The following AP2A2 variants were observed in gnomAD, a reference collection of about 807,000 sequenced individuals.
The protein encoded by AP2A2 is adaptor related protein complex 2 subunit alpha 2.
In AP2A2, 32 loss-of-function variants were observed where a neutral mutation model predicts 104.2. The observed-to-expected ratio is 0.31, with a 90% CI of 0.23 to 0.41. The LOEUF (loss-of-function observed/expected upper bound fraction) is 0.41. AP2A2 is among the 10% of genes least tolerant of loss of function. The probability of loss-of-function intolerance (pLI) is 1.00; values close to 1 mark genes in which losing one functional copy is unlikely to be tolerated. For missense variants in AP2A2, 912 were observed against 1,261.0 expected (o/e 0.72, Z 4.19); for synonymous variants, 539 against 533.3 (o/e 1.01, Z -0.15).
At chr11:1,006,439 A>C in intron 16 of AP2A2, 89 bp from the exon 17 acceptor site, 5 of 912,084 alleles carry the variant, frequency 5.5e-6, no homozygotes, top group Non-Finnish European at 8.7e-6. Flanking sequence ...ATTCAGCTGA[A>C]GATTGTGGGG....
chr11:1,008,939 T>C, intron 18 of AP2A2, 161 bp from the exon 19 acceptor site: 1 of 621,016 alleles, frequency 1.6e-6, no homozygotes, highest in Non-Finnish European at 2.8e-6. Context: ...CACTGGACAC[T>C]GAGCCACACA....
In AP2A2 at chr11:1,010,088, C is replaced by T. The variant is rs147513499; in HGVS notation, c.2742+271C>T. On this transcript the variant is annotated intron_variant, in intron 21 of 21. Coordinates refer to ENST00000448903, the MANE Select transcript of AP2A2 (RefSeq NM_012305.4). ...AATACATGGTTGCATCCCAGCCTCC[C>T]CACAGCTGGCCACCGTGGAGCATCG... The T allele has an allele frequency of 1.0e-5, 5 of 498,588 alleles. No individual in the cohort carries two copies. In the Admixed American group the frequency reaches 1.7e-4, roughly 17 times the overall value. The allele number at this position is 498,588 out of a possible 1,614,324, so 30.9% of individuals were successfully genotyped here. A position where few individuals can be genotyped will look rare whatever the true frequency, so the allele number is the denominator to read the frequency against.
intron 6 of AP2A2, among the ~76,000 whole-genome samples, chr11:982,606 A>G (rs1855286519): frequency 6.7e-6 from 1 of 149,714 alleles, no homozygotes; most frequent in South Asian, 2.1e-4. Context: ...AGTTTTTATC[A>G]TTAACTGGTA....
intron 1 of AP2A2, among the ~76,000 whole-genome samples, chr11:958,195 C>T (rs779444882): frequency 7.9e-5 from 12 of 152,314 alleles, no homozygotes; most frequent in African/African-American, 1.2e-4. Flanking sequence ...CATAAGCATG[C>T]GTCAAAGAAA....
intron 1 of AP2A2, among the ~76,000 whole-genome samples, chr11:929,561 C>T (rs143111889): frequency 7.2e-5 from 11 of 152,304 alleles, no homozygotes; most frequent in Non-Finnish European, 1.3e-4. Flanking sequence ...TCCAAATTTG[C>T]GTCTTTCTGA....
chr11:981,160 TC>T (rs780166986), intron 5 of AP2A2, 37 bp from the exon 6 acceptor site: 7 of 1,540,548 alleles, frequency 4.5e-6, no homozygotes, highest in Non-Finnish European at 6.2e-6. Flanking sequence ...GTGGTTAGCT[TC>T]AAGTGTTCTG....
chr11:970,067 C>A, intron 2 of AP2A2, 102 bp from the exon 3 acceptor site: 3 of 1,334,614 alleles, frequency 2.2e-6, no homozygotes, highest in Non-Finnish European at 3.1e-6. Context: ...CTCCTGGAGG[C>A]TTGTCCGTGC....
At chr11:981,344 T>A (rs896303171) in intron 6 of AP2A2, 45 bp downstream of exon 6, 14 of 1,432,696 alleles carry the variant, frequency 9.8e-6, no homozygotes, top group Non-Finnish European at 1.3e-5. Flanking sequence ...GGGTTTTGTC[T>A]TAGTTATTTA....
intron 1 of AP2A2, among the ~76,000 whole-genome samples, chr11:930,615 G>A (rs1309680010): frequency 2.0e-5 from 3 of 152,012 alleles, no homozygotes; most frequent in African/African-American, 4.8e-5. Context: ...CCGCCTCCCG[G>A]GTTCACACCA....
In AP2A2 at chr11:1,010,632, G is replaced by A; in HGVS notation, c.*7G>A. 6.3e-7 allele frequency: 1 copy of A among 1,585,820 alleles called. No homozygotes were observed. Among genetic ancestry groups the A allele is most frequent in the Non-Finnish European group, 8.6e-7 (1 of 1,165,204 alleles). On this transcript the variant is annotated 3_prime_UTR_variant, in exon 22 of 22. Transcript: ENST00000448903. ...GCTCTCAGCGCAGTTTTAGTCCTGA[G>A]GATGGAAGACCAGGCTCGTGTGTCT...
At chr11:951,932 G>C (rs1264999031) in intron 1 of AP2A2, among the ~76,000 whole-genome samples, 1 of 151,464 alleles carries the variant, frequency 6.6e-6, no homozygotes, top group African/African-American at 2.4e-5. Context: ...AGCGATGTCT[G>C]TCCTGGCTCA....
chr11:940,588 G>T, intron 1 of AP2A2: 1 of 267,842 alleles, frequency 3.7e-6, no homozygotes. Flanking sequence ...TTTTTTGGTG[G>T]CATCTGTTTC....
At chr11:982,913 A>T (rs1330250381) in intron 6 of AP2A2, among the ~76,000 whole-genome samples, 1 of 151,936 alleles carries the variant, frequency 6.6e-6, no homozygotes, top group Non-Finnish European at 1.5e-5. Flanking sequence ...GGCCTCCCAA[A>T]GTGCTGGGAT....
At chr11:934,392 T>A (rs1473929837) in intron 1 of AP2A2, among the ~76,000 whole-genome samples, 1 of 152,196 alleles carries the variant, frequency 6.6e-6, no homozygotes. Context: ...CCCAGAGTGC[T>A]GGGATTTATA....
chr11:980,039 C>T (rs545735310), intron 5 of AP2A2, among the ~76,000 whole-genome samples: 131 of 151,898 alleles, frequency 8.6e-4, no homozygotes, highest in African/African-American at 2.8e-3. Context: ...ACAGGCTGCC[C>T]GGTGCCGTGT....
At chr11:933,883 C>A (rs994770453) in intron 1 of AP2A2, among the ~76,000 whole-genome samples, 4 of 152,112 alleles carry the variant, frequency 2.6e-5, no homozygotes, top group Non-Finnish European at 5.9e-5. Flanking sequence ...CGATTTTAAA[C>A]GTTTGTTGCC....
Position 970,215 on chromosome 11 carries a change from G to A in AP2A2, c.183G>A (p.Lys61=), listed in dbSNP as rs1564799922. 4 of 1,613,866 alleles carry A rather than the reference G, an allele frequency of 2.5e-6. No individual in the cohort carries two copies. Among genetic ancestry groups the A allele is most frequent in the South Asian group, 1.1e-5 (1 of 91,094 alleles). ...DGYSKKKYVC[K]LLFIFLLGHD... ...ATAGTAAAAAAAAGTACGTCTGCAA[G>A]TTGCTCTTCATCTTTCTCCTTGGTC... The change falls in exon 3 of 22, where the codon AAG becomes AAA. Residue 61 remains lysine, a synonymous_variant. Coordinates refer to ENST00000448903, the MANE Select transcript of AP2A2 (RefSeq NM_012305.4).
intron 1 of AP2A2, among the ~76,000 whole-genome samples, chr11:949,577 C>A (rs1471142549): frequency 6.6e-6 from 1 of 152,020 alleles, no homozygotes; most frequent in Non-Finnish European, 1.5e-5. Flanking sequence ...GAGATGGAGA[C>A]CAGCCTGGCC....
At chr11:936,820 A>G (rs1429249752) in intron 1 of AP2A2, among the ~76,000 whole-genome samples, 1 of 152,062 alleles carries the variant, frequency 6.6e-6, no homozygotes, top group Non-Finnish European at 1.5e-5. Context: ...GATTCCTACA[A>G]GGCAGCACCA....
Sources: allele counts gnomAD v4.1 joint callset (sites outside exome capture counted in the v4.1 genomes callset), GRCh38; gene constraint gnomAD v4.1.1; transcripts MANE v1.5; gene names NCBI Gene and HGNC (gene_info 2026-07-23, HGNC 2026-07-21).